MCTS2: variants seen among roughly 807,000 people sequenced by gnomAD.
The protein encoded by MCTS2 is MCTS family member 2.
chr20:31,547,888 G>A, the MCTS2 span: 1 of 1,036,370 alleles, frequency 9.6e-7, no homozygotes, highest in Admixed American at 1.7e-5. Flanking sequence ...TGCTGCAGTA[G>A]ATACGATTGT....
At chr20:31,547,845 A>C in the MCTS2 span, 1 of 937,388 alleles carries the variant, frequency 1.1e-6, no homozygotes, top group East Asian at 2.4e-5. Flanking sequence ...TTATGTGTCC[A>C]GGTTTAACTT....
At chr20:31,547,885 G>C in the MCTS2 span, 931 of 1,019,468 alleles carry the variant, frequency 9.1e-4, 1 homozygote, top group Non-Finnish European at 1.0e-3. Context: ...CCCTGCTGCA[G>C]TAGATACGAT....
chr20:31,547,388 G>A, the MCTS2 span: 9 of 407,454 alleles, frequency 2.2e-5, no homozygotes, highest in Admixed American at 4.7e-5. Flanking sequence ...TAGCGACAAC[G>A]GCTCTGACCG....
At chr20:31,548,070 G>A in the MCTS2 span, 20 of 1,458,222 alleles carry the variant, frequency 1.4e-5, no homozygotes, top group Non-Finnish European at 1.8e-5. Flanking sequence ...GAATGCATTT[G>A]GGGGGCTAAA....
chr20:31,547,539 C>A, the MCTS2 span: 1 of 868,100 alleles, frequency 1.2e-6, no homozygotes, highest in South Asian at 1.5e-5. Context: ...AAAGTGTGTC[C>A]AACTGCATCC....
At chr20:31,547,466 C>T in the MCTS2 span, 2 of 600,512 alleles carry the variant, frequency 3.3e-6, no homozygotes, top group South Asian at 2.1e-5. Flanking sequence ...TTGCCAATTC[C>T]GTTTGTTTCC....
At chr20:31,548,069 T>TG in the MCTS2 span, 5 of 1,467,924 alleles carry the variant, frequency 3.4e-6, no homozygotes, top group East Asian at 6.8e-5. Context: ...GGAATGCATT[T>TG]GGGGGGCTAA....
At chr20:31,547,927 G>T in the MCTS2 span, 1 of 1,259,368 alleles carries the variant, frequency 7.9e-7, no homozygotes. Flanking sequence ...AAAACAGCAT[G>T]CTCTGTGTGT....
chr20:31,547,438 G>T, the MCTS2 span: 1 of 530,494 alleles, frequency 1.9e-6, no homozygotes, highest in Non-Finnish European at 3.4e-6. Context: ...CCTTCCTGCA[G>T]GGGACTCCAC....
chr20:31,547,491 T>C, the MCTS2 span: 4 of 663,380 alleles, frequency 6.0e-6, no homozygotes, highest in Non-Finnish European at 1.1e-5. Flanking sequence ...TGTCGCCCGC[T>C]TCACCCTGGA....
the MCTS2 span, chr20:31,547,518 T>C: frequency 1.3e-6 from 1 of 759,242 alleles, no homozygotes; most frequent in African/African-American, 1.8e-5. Flanking sequence ...TCAAGAAGTT[T>C]GATGAAAAGG....
the MCTS2 span, chr20:31,547,658 T>C: frequency 1.0e-5 from 16 of 1,552,522 alleles, 1 homozygote; most frequent in Middle Eastern, 3.5e-4. Context: ...CCTGTCAAAA[T>C]AGTCCGATGC....
chr20:31,547,880 C>T, the MCTS2 span: 1 of 1,008,186 alleles, frequency 9.9e-7, no homozygotes, highest in Non-Finnish European at 1.6e-6. Context: ...CTGTACCCTG[C>T]TGCAGTAGAT....
chr20:31,547,832 ATAT>A, the MCTS2 span: 3 of 937,874 alleles, frequency 3.2e-6, no homozygotes, highest in Non-Finnish European at 5.3e-6. Context: ...AGTGGCGCAA[ATAT>A]TATGTGTCCA....
the MCTS2 span, chr20:31,547,384 C>T: frequency 2.5e-6 from 1 of 402,390 alleles, no homozygotes. Flanking sequence ...CGGTTAGCGA[C>T]AACGGCTCTG....
At chr20:31,547,644 A>C in the MCTS2 span, 1 of 1,573,522 alleles carries the variant, frequency 6.4e-7, no homozygotes, top group Non-Finnish European at 8.6e-7. Context: ...TGCCTAAGAA[A>C]GATCCTGTCA....
chr20:31,547,437 A>C, the MCTS2 span: 24 of 526,676 alleles, frequency 4.6e-5, no homozygotes, highest in Non-Finnish European at 7.2e-5. Flanking sequence ...GCCTTCCTGC[A>C]GGGGACTCCA....
chr20:31,548,038 A>C, the MCTS2 span: 1 of 1,582,036 alleles, frequency 6.3e-7, no homozygotes, highest in Non-Finnish European at 8.7e-7. Flanking sequence ...GCACATGAAG[A>C]CATATAAATG....
chr20:31,547,503 C>A, the MCTS2 span: 2 of 703,696 alleles, frequency 2.8e-6, no homozygotes, highest in South Asian at 1.7e-5. Context: ...CACCCTGGAT[C>A]ATGTTCAAGA....
Sources: gnomAD v4.1 joint callset for allele counts on GRCh38, gnomAD v4.1.1 for gene constraint, MANE v1.5 for transcripts, NCBI Gene and HGNC (gene_info 2026-07-23, HGNC 2026-07-21) for gene names.